Variants in DPYD observed in about 807,000 individuals in gnomAD.
DPYD encodes dihydropyrimidine dehydrogenase.
DPYD carries 109 observed loss-of-function variants against 116.2 expected under a neutral mutation model. That is an observed-to-expected ratio of 0.94 (90% CI 0.80 to 1.10). The LOEUF is 1.10. DPYD is among the 50% of genes least tolerant of loss of function. The pLI is 0.00. For missense variants in DPYD, 1,302 were observed against 1,254.5 expected, an observed-to-expected ratio of 1.04 and a Z score of -0.57; for synonymous variants, 440 against 432.0, an observed-to-expected ratio of 1.02 and a Z score of -0.23.
chr1:97,222,788 A>G (rs1557950045), intron 19 of DPYD, among the ~76,000 whole-genome samples: 1 of 152,100 alleles, frequency 6.6e-6, no homozygotes, highest in Non-Finnish European at 1.5e-5. Flanking sequence ...GACACAAGAA[A>G]TTGCATAATG....
intron 5 of DPYD, chr1:97,721,055 A>G: frequency 7.6e-7 from 1 of 1,320,168 alleles, no homozygotes; most frequent in Non-Finnish European, 1.0e-6. Context: ...GTTAAATAAC[A>G]TTACTTAGTT....
intron 14 of DPYD, among the ~76,000 whole-genome samples, chr1:97,425,095 T>C (rs1674790183): frequency 6.6e-6 from 1 of 152,020 alleles, no homozygotes; most frequent in South Asian, 2.1e-4. Context: ...ACTGATAAAC[T>C]TTTTTTAGAA....
intron 4 of DPYD, among the ~76,000 whole-genome samples, chr1:97,738,528 G>A (rs536990844): frequency 6.6e-6 from 1 of 152,136 alleles, no homozygotes; most frequent in African/African-American, 2.4e-5. Flanking sequence ...CTCTCAACCT[G>A]GAAAGAACAC....
intron 8 of DPYD, among the ~76,000 whole-genome samples, chr1:97,671,092 G>C (rs965993561): frequency 1.3e-5 from 2 of 151,838 alleles, no homozygotes; most frequent in Non-Finnish European, 2.9e-5. Flanking sequence ...AAAATAAAAA[G>C]AATATAAGCT....
Position 97,450,056 on chromosome 1 carries a change from T to TA in DPYD, c.1905+2dup. ...CTTGTTTTAGATGTTAAATCACACTTACGTTGTCTGGAAAGTCAGCCTTTA... is the reference window on the plus strand; with the variant it reads ...CTTGTTTTAGATGTTAAATCACACTTAACGTTGTCTGGAAAGTCAGCCTTTA... On this transcript the variant is annotated splice_region_variant and intron_variant, in intron 14 of 22. Transcript: ENST00000370192. The TA allele has an allele frequency of 2.5e-6, 4 of 1,613,852 alleles. No individual in the cohort carries two copies. The highest frequency in any genetic ancestry group is 2.7e-5 in the African/African-American group (2 of 75,034).
At chr1:97,567,888 A>G (rs545539122) in intron 11 of DPYD, among the ~76,000 whole-genome samples, 1 of 151,564 alleles carries the variant, frequency 6.6e-6, no homozygotes, top group Admixed American at 6.6e-5. Flanking sequence ...TTTTTTTATT[A>G]TACTTTAAGT....
intron 2 of DPYD, among the ~76,000 whole-genome samples, chr1:97,879,936 C>G (rs1167816273): frequency 6.6e-6 from 1 of 151,502 alleles, no homozygotes; most frequent in African/African-American, 2.4e-5. Flanking sequence ...TATAATGCCT[C>G]AAGAAAAACT....
At chr1:97,447,372 A>G (rs753827642) in intron 14 of DPYD, among the ~76,000 whole-genome samples, 68 of 152,190 alleles carry the variant, frequency 4.5e-4, no homozygotes, top group Admixed American at 9.8e-4. Flanking sequence ...AACCCATCAG[A>G]ATAATTCCAA....
intron 3 of DPYD, among the ~76,000 whole-genome samples, chr1:97,783,107 G>T (rs1666846387): frequency 6.6e-6 from 1 of 152,116 alleles, no homozygotes; most frequent in African/African-American, 2.4e-5. Context: ...CAACGCTGTT[G>T]AACAGAAAAG....
chr1:97,828,966 A>G (rs774902441), intron 2 of DPYD, among the ~76,000 whole-genome samples: 1 of 151,898 alleles, frequency 6.6e-6, no homozygotes, highest in Non-Finnish European at 1.5e-5. Flanking sequence ...AATTCTAAAT[A>G]TAATTATACG....
rs183898118 is a variant in DPYD, at chr1:97,643,100, C to T, written c.850+35995G>A. ...AATTGACAAATGGGATCTAATTAAA[C>T]TAAAGAACTTCTGCACAGCAAAAGA... On this transcript the variant is annotated intron_variant, in intron 8 of 22. Coordinates refer to ENST00000370192, the MANE Select transcript of DPYD (RefSeq NM_000110.4). Among the ~76,000 whole-genome samples the T allele has an allele frequency of 6.1e-3, 927 of 152,082 alleles. 2 individuals are homozygous for T. The highest frequency in any genetic ancestry group is 0.01 in the Non-Finnish European group (698 of 67,974).
chr1:97,504,003 A>G (rs1170931618), intron 13 of DPYD, among the ~76,000 whole-genome samples: 1 of 152,038 alleles, frequency 6.6e-6, no homozygotes, highest in Non-Finnish European at 1.5e-5. Context: ...GTTCAAGTAG[A>G]TAACAAAAAT....
At chr1:97,771,999 G>T (rs542609568) in intron 3 of DPYD, among the ~76,000 whole-genome samples, 1 of 151,998 alleles carries the variant, frequency 6.6e-6, no homozygotes, top group African/African-American at 2.4e-5. Flanking sequence ...ATAAGTAAAA[G>T]GTATTAATAT....
rs865847724 is a variant in DPYD at position 97,089,834 on chromosome 1, T to G, written c.2767-7364A>C. Among the ~76,000 whole-genome samples the G allele has an allele frequency of 7.5e-4, 108 of 144,178 alleles. 1 individual carries two copies. Among genetic ancestry groups the G allele is most frequent in the East Asian group, 3.7e-3 (19 of 5,074 alleles). The allele number at this position is 144,178 out of a possible 152,430, so 94.6% of individuals were successfully genotyped here. On this transcript the variant is annotated intron_variant, in intron 21 of 22. Coordinates refer to ENST00000370192, the MANE Select transcript of DPYD (RefSeq NM_000110.4). ...TCTGAGGCCATTTTGTTTGTTTTTTTTTTTTTTTTTTTTTTACTTTCAAGG... is the reference window on the plus strand; with the variant it reads ...TCTGAGGCCATTTTGTTTGTTTTTTGTTTTTTTTTTTTTTTACTTTCAAGG...
intron 2 of DPYD, among the ~76,000 whole-genome samples, chr1:97,879,838 G>T (rs1238008897): frequency 6.6e-6 from 1 of 151,746 alleles, no homozygotes; most frequent in African/African-American, 2.4e-5. Context: ...CCTCTGAGTA[G>T]CATTCAATAC....
intron 3 of DPYD, among the ~76,000 whole-genome samples, chr1:97,753,734 A>G (rs1415387792): frequency 1.3e-5 from 2 of 152,124 alleles, no homozygotes; most frequent in Non-Finnish European, 2.9e-5. Context: ...CAGTAAGACC[A>G]ATCTTTCCAG....
chr1:97,346,897 C>T (rs981262383), intron 16 of DPYD, among the ~76,000 whole-genome samples: 2 of 151,728 alleles, frequency 1.3e-5, no homozygotes, highest in African/African-American at 4.8e-5. Context: ...ATGTTAAGTG[C>T]TTAGAACAAT....
intron 13 of DPYD, among the ~76,000 whole-genome samples, chr1:97,483,611 A>C (rs986065635): frequency 6.6e-6 from 1 of 152,156 alleles, no homozygotes; most frequent in African/African-American, 2.4e-5. Context: ...TTACCTATGT[A>C]ACAAACCTGG....
chr1:97,242,997 G>A (rs1267901082), intron 18 of DPYD, among the ~76,000 whole-genome samples: 16 of 151,742 alleles, frequency 1.1e-4, no homozygotes, highest in Admixed American at 9.9e-4. Context: ...CAGCATACAC[G>A]ATTGGTTTTA....
Sources: allele counts gnomAD v4.1 joint callset (sites outside exome capture counted in the v4.1 genomes callset), GRCh38; gene constraint gnomAD v4.1.1; transcripts MANE v1.5; gene names NCBI Gene and HGNC (gene_info 2026-07-23, HGNC 2026-07-21).